DCBLD1: variants seen among roughly 807,000 people sequenced by gnomAD.
DCBLD1 encodes the protein discoidin, CUB and LCCL domain containing 1.
DCBLD1 carries 57 observed loss-of-function variants against 71.5 expected under a neutral mutation model. That is an observed-to-expected ratio of 0.80 (90% CI 0.64 to 0.99). The LOEUF (loss-of-function observed/expected upper bound fraction) is 0.99, where lower values mean the gene tolerates loss of function less well. DCBLD1 is among the 50% of genes least tolerant of loss of function. The pLI, the probability that DCBLD1 is intolerant of heterozygous loss-of-function variation, is 0.00. For missense variants in DCBLD1, 891 were observed against 923.5 expected (o/e 0.96, Z 0.46); for synonymous variants, 380 against 363.8 (o/e 1.04, Z -0.51).
chr6:117,565,521 G>T (rs1386838740), intron 14 of DCBLD1, among the ~76,000 whole-genome samples: 1 of 152,042 alleles, frequency 6.6e-6, no homozygotes, highest in East Asian at 1.9e-4. Context: ...TTCATTTACT[G>T]GTGATTTGAA....
downstream of DCBLD1, among the ~76,000 whole-genome samples, chr6:117,550,673 G>A (rs9285425): frequency 0.45 from 68,693 of 151,990 alleles, 16,450 homozygotes; most frequent in South Asian, 0.63. Flanking sequence ...TACTGCTTTG[G>A]ATTCTTAACA....
At chr6:117,559,536 A>G (rs210633) in intron 14 of DCBLD1, among the ~76,000 whole-genome samples, 71,404 of 151,956 alleles carry the variant, frequency 0.47, 17,545 homozygotes, top group South Asian at 0.63. Flanking sequence ...ATTTCAGACC[A>G]CAGCAGCTGG....
chr6:117,505,930 T>C (rs1041501361), intron 2 of DCBLD1, among the ~76,000 whole-genome samples: 1 of 152,184 alleles, frequency 6.6e-6, no homozygotes, highest in Non-Finnish European at 1.5e-5. Flanking sequence ...GCTTTCAAGC[T>C]TAGATGCATC....
At chr6:117,543,003 T>G (rs2114560599) in intron 11 of DCBLD1, 121 bp from the exon 12 acceptor site, 4 of 793,388 alleles carry the variant, frequency 5.0e-6, no homozygotes, top group Middle Eastern at 2.3e-4. Context: ...GCCTAACATG[T>G]ATTCATTTTC....
In DCBLD1 at chr6:117,515,745, TAC is replaced by T. The variant is rs1456560504; in HGVS notation, c.326-4068_326-4067del. The stretch of plus-strand genomic sequence containing the variant: ...TACAGAAATTTTTTTCTTGTTTCTT[TAC>T]ACTTCTCTTCCTGACTTCTCCATAG... On this transcript the variant is annotated intron_variant, in intron 2 of 14. Coordinates refer to ENST00000338728, the MANE Select transcript of DCBLD1 (RefSeq NM_001366458.2). Among the ~76,000 whole-genome samples, 3 of 152,238 alleles carry T rather than the reference TAC, an allele frequency of 2.0e-5. No individual in the cohort carries two copies. In the East Asian group the frequency reaches 5.8e-4, roughly 29 times the overall value.
At position 117,545,503 on chromosome 6, in the gene DCBLD1, C is replaced by T. The variant is rs761547253; in HGVS notation, c.1521C>T (p.Pro507=). Residue 507 remains proline, a synonymous_variant, in exon 14 of 15, where the codon CCC becomes CCT. Coordinates refer to ENST00000338728, the MANE Select transcript of DCBLD1 (RefSeq NM_001366458.2). ...KTDCWKQIKY[P]FARHQSAEFT... ...ACTGTTGGAAGCAGATTAAATATCC[C>T]TTTGCCAGACATCAGTCAGCTGAGT... 1.9e-6 allele frequency: 3 copies of T among 1,613,988 alleles called. No individual in the cohort carries two copies. Among genetic ancestry groups the T allele is most frequent in the Non-Finnish European group, 2.5e-6 (3 of 1,179,978 alleles).
intron 2 of DCBLD1, among the ~76,000 whole-genome samples, chr6:117,518,677 G>A (rs1778287493): frequency 6.6e-6 from 1 of 152,164 alleles, no homozygotes; most frequent in Admixed American, 6.5e-5. Context: ...AAAGAAATGA[G>A]CTCGTGCAGG....
intron 14 of DCBLD1, 65 bp from the exon 15 acceptor site, chr6:117,547,842 G>A (rs931219419): frequency 7.1e-6 from 11 of 1,549,284 alleles, no homozygotes; most frequent in Non-Finnish European, 8.7e-6. Context: ...GAGTATCCCC[G>A]TCTGCCACTG....
intron 4 of DCBLD1, among the ~76,000 whole-genome samples, chr6:117,524,166 C>G (rs1489805098): frequency 6.6e-6 from 1 of 151,532 alleles, no homozygotes. Flanking sequence ...TGGAAAGTTT[C>G]TTGAAAAATG....
At chr6:117,508,176 G>C (rs1167835014) in intron 2 of DCBLD1, 1 of 152,128 alleles carries the variant, frequency 6.6e-6, no homozygotes, top group Non-Finnish European at 1.5e-5. Flanking sequence ...GTTGATTAAG[G>C]TAGCCTACCC....
At chr6:117,492,838 T>C (rs1288746286) in intron 1 of DCBLD1, among the ~76,000 whole-genome samples, 2 of 152,218 alleles carry the variant, frequency 1.3e-5, no homozygotes, top group Non-Finnish European at 2.9e-5. Flanking sequence ...CAGTAAACAT[T>C]GATTGCTTGT....
In DCBLD1 at chr6:117,540,778, C is replaced by T. The variant is rs949069444; in HGVS notation, c.1212C>T (p.Ala404=). 2.5e-6 allele frequency: 4 copies of T among 1,614,086 alleles called. No individual in the cohort carries two copies. Among genetic ancestry groups the T allele is most frequent in the Non-Finnish European group, 3.4e-6 (4 of 1,180,042 alleles). The change falls in exon 10 of 15, where the codon GCC becomes GCT. Residue 404 remains alanine (A), a synonymous_variant. Transcript: ENST00000338728. ...CCCAGACATGGCACCAGAGGATAGC[C>T]TTGAAGGTGGAGCTCATTGGTTGCC... is the stretch of plus-strand genomic sequence containing the variant. The part of the protein sequence containing the change: ...VVPQTWHQRI[A]LKVELIGCQI...
At chr6:117,509,658 A>G (rs1470220986) in intron 2 of DCBLD1, among the ~76,000 whole-genome samples, 2 of 150,910 alleles carry the variant, frequency 1.3e-5, no homozygotes, top group Non-Finnish European at 3.0e-5. Context: ...TGTCTTGCCT[A>G]CTGTTAATAT....
chr6:117,553,684 G>T (rs1779459615), downstream of DCBLD1, among the ~76,000 whole-genome samples: 1 of 152,042 alleles, frequency 6.6e-6, no homozygotes, highest in African/African-American at 2.4e-5. Context: ...CTTTCCATTT[G>T]TTCAAGCCCC....
intron 12 of DCBLD1, among the ~76,000 whole-genome samples, chr6:117,543,413 G>T (rs1779166383): frequency 6.6e-6 from 1 of 152,098 alleles, no homozygotes; most frequent in East Asian, 1.9e-4. Flanking sequence ...TATAGACAGG[G>T]TCTCCCTGTG....
chr6:117,558,617 GCA>G (rs1329031235), intron 14 of DCBLD1, among the ~76,000 whole-genome samples: 4 of 152,138 alleles, frequency 2.6e-5, no homozygotes, highest in African/African-American at 9.7e-5. Context: ...AGGCATATGG[GCA>G]CAGTCCCAAG....
intron 9 of DCBLD1, chr6:117,540,429 T>A (rs754456622): frequency 1.7e-5 from 8 of 465,578 alleles, no homozygotes; most frequent in Non-Finnish European, 3.1e-5. Context: ...AACAAGGCAA[T>A]TTTAGCTTCT....
intron 1 of DCBLD1, among the ~76,000 whole-genome samples, chr6:117,489,752 G>A (rs1452080661): frequency 2.0e-5 from 3 of 152,192 alleles, no homozygotes; most frequent in African/African-American, 4.8e-5. Context: ...GGGCGTGGTG[G>A]CGGGTGCCTG....
Position 117,548,695 on chromosome 6 carries a change from G to GT in DCBLD1, c.*260dup. ...AGAAAAATGAAAATTTTCAGATGGC[G>GT]TTTTCATTCCTCTGACTGATATTGA... On this transcript the variant is annotated 3_prime_UTR_variant, in exon 15 of 15. Transcript: ENST00000338728. 7.2e-7 allele frequency: 1 copy of GT among 1,394,234 alleles called. No homozygotes were observed. The allele number at this position is 1,394,234 out of a possible 1,614,324, so 86.4% of individuals were successfully genotyped here.
Sources: gnomAD v4.1 joint callset for allele counts (sites outside exome capture counted in the v4.1 genomes callset) on GRCh38, gnomAD v4.1.1 for gene constraint, MANE v1.5 for transcripts, NCBI Gene and HGNC (gene_info 2026-07-23, HGNC 2026-07-21) for gene names.